The following LRCH1 variants were observed in gnomAD, a reference collection of about 807,000 sequenced individuals.
LRCH1 encodes leucine-rich repeat and calponin homology domain-containing protein 1.
In LRCH1, 23 loss-of-function variants were observed where a neutral mutation model predicts 94.9. The ratio of observed to expected loss-of-function variants is 0.24; its 90% CI spans 0.17 to 0.34. LRCH1 has a LOEUF of 0.34. Among genes scored for constraint, LRCH1 ranks in the 10% least tolerant of loss-of-function variants. LRCH1 has a pLI of 1.00. For missense variants in LRCH1, 790 were observed against 945.9 expected (o/e 0.84, Z 2.16); for synonymous variants, 364 against 354.9 (o/e 1.03, Z -0.29).
intron 1 of LRCH1, among the ~76,000 whole-genome samples, chr13:46,635,467 CT>C (rs35362550): frequency 6.7e-4 from 65 of 96,624 alleles, no homozygotes; most frequent in African/African-American, 2.2e-3. Flanking sequence ...CCCCTCCCAC[CT>C]TTTTTTTTTT....
chr13:46,555,838 C>T (rs1313205790), intron 1 of LRCH1, among the ~76,000 whole-genome samples: 1 of 152,198 alleles, frequency 6.6e-6, no homozygotes, highest in Non-Finnish European at 1.5e-5. Flanking sequence ...GTCTTTGCCT[C>T]AGGTCAAAAG....
downstream of LRCH1, among the ~76,000 whole-genome samples, chr13:46,745,548 G>A (rs1221604123): frequency 6.6e-6 from 1 of 152,078 alleles, no homozygotes. Context: ...AAGTGTTCTA[G>A]GGAGAGGATG....
At chr13:46,598,844 A>G (rs1252160703) in intron 1 of LRCH1, among the ~76,000 whole-genome samples, 1 of 152,188 alleles carries the variant, frequency 6.6e-6, no homozygotes, top group Non-Finnish European at 1.5e-5. Context: ...TGTCTGATAT[A>G]TATTTTTTAT....
In LRCH1 at chr13:46,553,520, C is replaced by A; in HGVS notation, c.124C>A (p.Pro42Thr). The A allele has an allele frequency of 1.3e-6, 2 of 1,546,096 alleles. No individual in the cohort carries two copies. The highest frequency in any genetic ancestry group is 2.4e-5 in the South Asian group (2 of 83,818). The change falls in exon 1 of 20, where the codon CCC (proline) becomes ACC (threonine). Residue 42 changes from proline to threonine, a missense_variant. Physicochemically the swap from Pro to Thr is conservative, Grantham distance 38 (BLOSUM62 -1). This residue lies in a region of LRCH1 where 136 missense variants were observed against 143.5 expected (regional missense o/e 0.95). Coordinates refer to ENST00000389797, the MANE Select transcript of LRCH1 (RefSeq NM_001164211.2). ...TCAGCACCACGGAGGAACCGGCGCCCCCGGCGGGGCGGGTGGTGGCGGCGG... is the reference window on the plus strand; with the variant it reads ...TCAGCACCACGGAGGAACCGGCGCCACCGGCGGGGCGGGTGGTGGCGGCGG... ...HHQHHGGTGA[P>T]GGAGGGGGGS...
intron 16 of LRCH1, among the ~76,000 whole-genome samples, chr13:46,716,804 A>G (rs767780818): frequency 1.3e-5 from 2 of 152,218 alleles, no homozygotes; most frequent in Non-Finnish European, 2.9e-5. Flanking sequence ...AACAACAGTT[A>G]TTAAACAAAT....
At chr13:46,666,986 C>T (rs947390467) in intron 2 of LRCH1, among the ~76,000 whole-genome samples, 3 of 152,142 alleles carry the variant, frequency 2.0e-5, no homozygotes, top group Non-Finnish European at 4.4e-5. Context: ...GGGCCCATTG[C>T]CCTTATTCTC....
At chr13:46,556,357 A>G (rs1478704902) in intron 1 of LRCH1, among the ~76,000 whole-genome samples, 1 of 152,242 alleles carries the variant, frequency 6.6e-6, no homozygotes, top group Non-Finnish European at 1.5e-5. Flanking sequence ...ACTCAAGTGC[A>G]TATACTTTAT....
At chr13:46,734,307 T>TG (rs1241164254) in intron 19 of LRCH1, among the ~76,000 whole-genome samples, 1 of 152,214 alleles carries the variant, frequency 6.6e-6, no homozygotes, top group East Asian at 1.9e-4. Flanking sequence ...TTGCTGAGGC[T>TG]GTAAGTGAAT....
downstream of LRCH1, among the ~76,000 whole-genome samples, chr13:46,749,264 G>C (rs1156844793): frequency 2.0e-5 from 3 of 152,166 alleles, no homozygotes. Flanking sequence ...ACGATATTAT[G>C]CTAAGTAAAA....
chr13:46,582,919 A>C (rs2050389692), intron 1 of LRCH1, among the ~76,000 whole-genome samples: 1 of 151,788 alleles, frequency 6.6e-6, no homozygotes, highest in Non-Finnish European at 1.5e-5. Context: ...CACCACAAAG[A>C]CTTGCTCTCT....
chr13:46,583,112 A>G (rs1316290299), intron 1 of LRCH1, among the ~76,000 whole-genome samples: 1 of 152,230 alleles, frequency 6.6e-6, no homozygotes, highest in Non-Finnish European at 1.5e-5. Context: ...ATCATAAAAC[A>G]CAAAACCTTT....
rs977423356 is a variant in LRCH1 at position 46,585,560 on chromosome 13, A to C, written c.307+31857A>C. ...AGAGCGAGACTGCATCTCAAAAAAA[A>C]AAAAAAAAAAACAAAAAAACGCATT... On this transcript the variant is annotated intron_variant, in intron 1 of 19. Coordinates refer to ENST00000389797, the MANE Select transcript of LRCH1 (RefSeq NM_001164211.2). Among the ~76,000 whole-genome samples the C allele has an allele frequency of 3.2e-3, 487 of 151,952 alleles. 17 individuals are homozygous for C. The highest frequency in any genetic ancestry group is 0.027 in the Admixed American group (418 of 15,264).
chr13:46,736,051 C>A (rs555443561), intron 19 of LRCH1, among the ~76,000 whole-genome samples: 1 of 151,348 alleles, frequency 6.6e-6, no homozygotes, highest in East Asian at 1.9e-4. Context: ...CCTGCCTCAG[C>A]CTCCCAAAGT....
At chr13:46,614,451 C>T (rs890557619) in intron 1 of LRCH1, among the ~76,000 whole-genome samples, 1 of 152,076 alleles carries the variant, frequency 6.6e-6, no homozygotes, top group Non-Finnish European at 1.5e-5. Flanking sequence ...CCAAACAAAT[C>T]CACATAAGGA....
intron 18 of LRCH1, among the ~76,000 whole-genome samples, chr13:46,749,922 T>C (rs776233440): frequency 6.6e-6 from 1 of 152,186 alleles, no homozygotes; most frequent in Non-Finnish European, 1.5e-5. Flanking sequence ...AAATGCAGCA[T>C]GAGAGAGTAG....
intron 1 of LRCH1, among the ~76,000 whole-genome samples, chr13:46,615,416 C>T (rs2050795961): frequency 6.6e-6 from 1 of 152,110 alleles, no homozygotes; most frequent in Non-Finnish European, 1.5e-5. Context: ...CAGGACCAAG[C>T]CATTCATGAG....
intron 14 of LRCH1, 114 bp downstream of exon 14, chr13:46,711,958 T>TG (rs945283720): frequency 2.6e-6 from 2 of 772,226 alleles, no homozygotes; most frequent in Admixed American, 2.3e-5. Context: ...ATTGAGTCTT[T>TG]GGGGGAATCC....
intron 1 of LRCH1, among the ~76,000 whole-genome samples, chr13:46,572,516 A>G (rs1327041310): frequency 6.6e-6 from 1 of 152,192 alleles, no homozygotes; most frequent in East Asian, 1.9e-4. Context: ...AATTCTGCAT[A>G]GCAATATGAA....
intron 9 of LRCH1, among the ~76,000 whole-genome samples, chr13:46,698,427 G>A (rs574174681): frequency 3.9e-5 from 6 of 152,306 alleles, no homozygotes; most frequent in Non-Finnish European, 8.8e-5. Flanking sequence ...AATAGCCAGT[G>A]TCACTACATT....
Sources: allele counts gnomAD v4.1 joint callset (sites outside exome capture counted in the v4.1 genomes callset), GRCh38; gene constraint gnomAD v4.1.1; regional missense constraint gnomAD v4.1.1; transcripts MANE v1.5; gene names NCBI Gene and HGNC (gene_info 2026-07-23, HGNC 2026-07-21).